The following AJAP1 variants were observed in gnomAD, a reference collection of about 807,000 sequenced individuals.
AJAP1 encodes adherens junction-associated protein 1.
AJAP1 carries 5 observed loss-of-function variants against 35.0 expected under a neutral mutation model. That is an observed-to-expected ratio of 0.14 (90% CI 0.07 to 0.30). The LOEUF (loss-of-function observed/expected upper bound fraction) is 0.30, where lower values mean the gene tolerates loss of function less well. AJAP1 is among the 10% of genes least tolerant of loss of function. The pLI is 1.00. For synonymous variants in AJAP1, 284 were observed against 249.3 expected, an observed-to-expected ratio of 1.14 and a Z score of -1.31; for missense variants, 586 against 571.0, an observed-to-expected ratio of 1.03 and a Z score of -0.27.
chr1:4,703,494 C>T (rs542031147), intron 1 of AJAP1, among the ~76,000 whole-genome samples: 6 of 152,146 alleles, frequency 3.9e-5, no homozygotes, highest in Non-Finnish European at 7.3e-5. Context: ...AGACACTTTC[C>T]CTTTCTCTCA....
chr1:4,756,325 T>A (rs1269152441), intron 2 of AJAP1, among the ~76,000 whole-genome samples: 1 of 152,164 alleles, frequency 6.6e-6, no homozygotes, highest in Admixed American at 6.5e-5. Context: ...CACCGTGGCA[T>A]CCCTGGCTGG....
chr1:4,753,836 T>G (rs1057482564), intron 2 of AJAP1, among the ~76,000 whole-genome samples: 1 of 152,232 alleles, frequency 6.6e-6, no homozygotes, highest in Admixed American at 6.5e-5. Context: ...CCTTCCAAAG[T>G]GCTGGGATTA....
chr1:4,691,911 T>A (rs893358059), intron 1 of AJAP1, among the ~76,000 whole-genome samples: 7 of 151,980 alleles, frequency 4.6e-5, no homozygotes, highest in African/African-American at 1.7e-4. Context: ...TATTCCTGAC[T>A]CAGGAGTGTC....
intron 2 of AJAP1, among the ~76,000 whole-genome samples, chr1:4,757,525 G>A (rs552664592): frequency 6.6e-6 from 1 of 152,204 alleles, no homozygotes; most frequent in South Asian, 2.1e-4. Context: ...AAGCATCCTG[G>A]CATGAGTGTG....
In AJAP1 at chr1:4,723,609, C is replaced by T. The variant is rs1182598509; in HGVS notation, c.829+10910C>T. Among the ~76,000 whole-genome samples, 2 of 151,804 alleles carry T rather than the reference C, an allele frequency of 1.3e-5. No individual in the cohort carries two copies. Among genetic ancestry groups the T allele is most frequent in the African/African-American group, 2.4e-5 (1 of 41,316 alleles). On this transcript the variant is annotated intron_variant, in intron 2 of 5. Transcript: ENST00000378191. This position sits in a 1 kb window ranked among gnomAD's most constrained non-coding sequence, Gnocchi z 4.3. ...TTTGTGAGGTGGAGGCTGCTGGAGA[C>T]GTGGTGAGGGGAGAGTCCTGCGAGG...
chr1:4,674,570 T>C (rs1639320657), intron 1 of AJAP1, among the ~76,000 whole-genome samples: 1 of 152,174 alleles, frequency 6.6e-6, no homozygotes, highest in Non-Finnish European at 1.5e-5. Flanking sequence ...GAGGGGGCTT[T>C]CATATTAGGA....
chr1:4,724,497 G>A (rs1401767453), intron 2 of AJAP1, among the ~76,000 whole-genome samples: 9 of 152,088 alleles, frequency 5.9e-5, no homozygotes, highest in Non-Finnish European at 5.9e-5. Flanking sequence ...TTACCATGAC[G>A]TCTCTCATAT....
Position 4,788,923 on chromosome 1 carries a change from G to A in AJAP1, c.*6438G>A, listed in dbSNP as rs1321135600. 6.6e-6 allele frequency: 1 copy of A among 152,162 alleles called. No individual in the cohort carries two copies. Among genetic ancestry groups the A allele is most frequent in the Non-Finnish European group, 1.5e-5 (1 of 68,030 alleles). The allele number at this position is 152,162 out of a possible 1,614,324, so 9.4% of individuals were successfully genotyped here. On this transcript the variant is annotated 3_prime_UTR_variant, in exon 6 of 6. Transcript: ENST00000378191. ...CATTGTAAAGGTGACTGAAGAGAAT[G>A]GTCAACTCGGTGGTGATGGGCCTGT... is the stretch of plus-strand genomic sequence containing the variant.
At chr1:4,743,030 C>T (rs1471871514) in intron 2 of AJAP1, among the ~76,000 whole-genome samples, 3 of 152,172 alleles carry the variant, frequency 2.0e-5, no homozygotes, top group African/African-American at 7.2e-5. Context: ...CCCCTGTCCC[C>T]GTCAGAACCT....
At position 4,655,201 on chromosome 1, in the gene AJAP1, C is replaced by A. The variant is rs1638848901; in HGVS notation, c.-225C>A. The A allele has an allele frequency of 6.6e-6, 1 of 151,060 alleles. No homozygotes were observed. Among genetic ancestry groups the A allele is most frequent in the Non-Finnish European group, 1.4e-5 (1 of 69,532 alleles). The allele number at this position is 151,060 out of a possible 1,614,324, so 9.4% of individuals were successfully genotyped here. On this transcript the variant is annotated 5_prime_UTR_variant, in exon 1 of 6. Transcript: ENST00000378191. This position sits in a 1 kb window ranked among gnomAD's most constrained non-coding sequence, Gnocchi z 6.9. ...CCGGAGGATGTGCGCCCCCGCGGGC[C>A]GCCCAGCCTGAGCCATGCGCCCCAA...
intron 1 of AJAP1, among the ~76,000 whole-genome samples, chr1:4,690,021 C>T (rs1454899370): frequency 6.6e-6 from 1 of 152,160 alleles, no homozygotes; most frequent in Admixed American, 6.5e-5. Context: ...CCCGCTCCCT[C>T]CTGGCCCTGT....
chr1:4,674,648 G>A (rs1344616617), intron 1 of AJAP1, among the ~76,000 whole-genome samples: 1 of 152,198 alleles, frequency 6.6e-6, no homozygotes, highest in Non-Finnish European at 1.5e-5. Flanking sequence ...AGTGGCTGGT[G>A]CTGCGGCTGT....
intron 1 of AJAP1, among the ~76,000 whole-genome samples, chr1:4,709,637 A>G (rs1176625901): frequency 6.6e-6 from 1 of 152,138 alleles, no homozygotes; most frequent in Non-Finnish European, 1.5e-5. Context: ...GCCACAGAGG[A>G]GCTACCTTAG....
At chr1:4,682,829 GTGT>G (rs1201293006) in intron 1 of AJAP1, among the ~76,000 whole-genome samples, 7 of 146,752 alleles carry the variant, frequency 4.8e-5, no homozygotes, top group Non-Finnish European at 7.4e-5. Flanking sequence ...GATACTGGTG[GTGT>G]TGGTGATGGT....
At chr1:4,771,705 C>G (rs1641839417) in intron 3 of AJAP1, among the ~76,000 whole-genome samples, 1 of 152,176 alleles carries the variant, frequency 6.6e-6, no homozygotes, top group South Asian at 2.1e-4. Context: ...AGGACACTTC[C>G]CTCTGCAGAC....
chr1:4,725,086 G>C (rs1414427566), intron 2 of AJAP1, among the ~76,000 whole-genome samples: 1 of 152,206 alleles, frequency 6.6e-6, no homozygotes, highest in African/African-American at 2.4e-5. Flanking sequence ...TCAGGGTCCA[G>C]GGAGCTGGAA....
intron 1 of AJAP1, among the ~76,000 whole-genome samples, chr1:4,674,042 CAA>C (rs57335438): frequency 0.013 from 1,053 of 81,932 alleles, 21 homozygotes; most frequent in African/African-American, 0.044. Context: ...CCCCCGCCAC[CAA>C]AAAAAAAAAA....
rs1267278375 is a variant in AJAP1 at position 4,661,451 on chromosome 1, G to A, written c.29+5997G>A. ...CCATTTCACACAGGAGAAAACTGGA[G>A]CACAGAGAGGTTAGGTAATTTGCTC... is the stretch of plus-strand genomic sequence containing the variant. On this transcript the variant is annotated intron_variant, in intron 1 of 5. Coordinates refer to ENST00000378191, the MANE Select transcript of AJAP1 (RefSeq NM_018836.4). 8.5e-5 allele frequency among the ~76,000 whole-genome samples: 13 copies of A among 152,350 alleles called. No homozygotes were observed. The East Asian group carries it at 2.5e-3, about 29-fold the overall frequency.
rs1209036581 is a variant in AJAP1, at chr1:4,757,894, A to G, written c.830-11959A>G. ...GTGTCCCCACCCAAATCTCCTCTTG[A>G]ATTGTAGTTCCTGTAATCCCTACCT... On this transcript the variant is annotated intron_variant, in intron 2 of 5. Transcript: ENST00000378191. Among the ~76,000 whole-genome samples the G allele has an allele frequency of 2.6e-5, 4 of 152,012 alleles. No homozygotes were observed. In the East Asian group the frequency reaches 7.7e-4, roughly 29 times the overall value.
Sources: allele counts gnomAD v4.1 joint callset (sites outside exome capture counted in the v4.1 genomes callset), GRCh38; gene constraint gnomAD v4.1.1; non-coding constraint Gnocchi (gnomAD v3.1); transcripts MANE v1.5; gene names NCBI Gene and HGNC (gene_info 2026-07-23, HGNC 2026-07-21).